The following SCARF1 variants were observed in gnomAD, a reference collection of about 807,000 sequenced individuals.
SCARF1 encodes the protein scavenger receptor class F member 1.
In SCARF1, 49 loss-of-function variants were observed where a neutral mutation model predicts 76.3. That is an observed-to-expected ratio of 0.64 (90% CI 0.51 to 0.81). The LOEUF (loss-of-function observed/expected upper bound fraction) is 0.81. Among genes scored for constraint, SCARF1 ranks in the 40% least tolerant of loss-of-function variants. The probability of loss-of-function intolerance (pLI) is 0.00; values close to 1 mark genes in which losing one functional copy is unlikely to be tolerated. For missense variants in SCARF1, 1,098 were observed against 1,143.9 expected (o/e 0.96, Z 0.58); for synonymous variants, 495 against 474.6 (o/e 1.04, Z -0.56).
At chr17:1,636,623 A>C (rs1909579743) in intron 10 of SCARF1, 86 bp downstream of exon 10, 1 of 1,484,808 alleles carries the variant, frequency 6.7e-7, no homozygotes, top group Admixed American at 2.2e-5. Context: ...AAAAAAAATA[A>C]AAATAAATAA....
chr17:1,643,899 C>T lies in SCARF1; in HGVS notation c.334G>A (p.Glu112Lys), dbSNP rs1443909286. 3.0e-6 allele frequency: 4 copies of T among 1,330,942 alleles called. No individual in the cohort carries two copies. Among genetic ancestry groups the T allele is most frequent in the East Asian group, 3.1e-5 (1 of 32,446 alleles). 82.4% of individuals were successfully genotyped at this position (1,330,942 alleles called of 1,614,324 possible). ...SCPCHPHGQC[E>K]PATGACQCQA... ...CACTGGCACGCGCCCGTGGCTGGCT[C>T]GCACTGGCCGTGCGGGTGGCAGGGG... is the stretch of plus-strand genomic sequence containing the variant. The change falls in exon 4 of 11, where the codon GAG becomes AAG. Residue 112 changes from glutamate to lysine, a missense_variant. Transcript: ENST00000263071.
In SCARF1 at chr17:1,644,087, C is replaced by A; in HGVS notation, c.266-120G>T. On this transcript the variant is annotated intron_variant, in intron 3 of 10. Transcript: ENST00000263071. The surrounding 1 kb of genome is among the most constrained non-coding windows in gnomAD (Gnocchi z 4.8). ...CCATCCTCCAAGAGCCGGGGACAGA[C>A]CCTCAGAACATCCGGCAGCCTGTCC... is the stretch of plus-strand genomic sequence containing the variant. 1.3e-6 allele frequency: 1 copy of A among 768,058 alleles called. No homozygotes were observed. Among genetic ancestry groups the A allele is most frequent in the African/African-American group, 1.8e-5 (1 of 55,264 alleles). 47.6% of individuals were successfully genotyped at this position (768,058 alleles called of 1,614,324 possible).
In SCARF1 at chr17:1,643,939, G is replaced by A. The variant is rs1355393894; in HGVS notation, c.294C>T (p.Asp98=). The part of the protein sequence containing the change: ...SRCPGQYWGP[D]CRESCPCHPH... Reference sequence around the variant, plus strand: ...GGTGGCAGGGGCAGCTCTCACGGCAGTCGGGGCCCCAGTACTGGCCCGGGC... The same window carrying A: ...GGTGGCAGGGGCAGCTCTCACGGCAATCGGGGCCCCAGTACTGGCCCGGGC... The change falls in exon 4 of 11, where the codon GAC becomes GAT. Residue 98 remains aspartate (D), a synonymous_variant. Transcript: ENST00000263071. 63 of 1,352,894 alleles carry A rather than the reference G, an allele frequency of 4.7e-5. No homozygotes were observed. The highest frequency in any genetic ancestry group is 1.8e-4 in the Admixed American group (5 of 28,208). 83.8% of individuals were successfully genotyped at this position (1,352,894 alleles called of 1,614,324 possible). A position where few individuals can be genotyped will look rare whatever the true frequency, so the allele number is the denominator to read the frequency against.
chr17:1,634,259 G>A lies in SCARF1; in HGVS notation c.*499C>T. 1 of 188,040 alleles carries A rather than the reference G, an allele frequency of 5.3e-6. No individual in the cohort carries two copies. Among genetic ancestry groups the A allele is most frequent in the Non-Finnish European group, 1.1e-5 (1 of 92,528 alleles). The allele number at this position is 188,040 out of a possible 1,614,324, so 11.6% of individuals were successfully genotyped here. On this transcript the variant is annotated 3_prime_UTR_variant, in exon 11 of 11. Transcript: ENST00000263071. Reference sequence around the variant, plus strand: ...AAAAAATTAGCCAAGCGTGGTGGAGGGCACCTGTAGTCCCAGCTACTCGGG... The same window carrying A: ...AAAAAATTAGCCAAGCGTGGTGGAGAGCACCTGTAGTCCCAGCTACTCGGG...
rs755401249 is a variant in SCARF1, at chr17:1,639,691, A to G, written c.1191T>C (p.Pro397=). The stretch of plus-strand genomic sequence containing the variant: ...GGCAGAGTCCCTCTGGGCATTCACA[A>G]GGAACTGAGCAGTTGTTTCCATGGA... The part of the protein sequence containing the change: ...AGFHGNNCSV[P]CECPEGLCHP... The change falls in exon 7 of 11, where the codon CCT becomes CCC. Residue 397 remains proline (P), a synonymous_variant. Transcript: ENST00000263071. 38 of 1,590,224 alleles carry G rather than the reference A, an allele frequency of 2.4e-5. No homozygotes were observed. Among genetic ancestry groups the G allele is most frequent in the Non-Finnish European group, 3.0e-5 (35 of 1,168,904 alleles).
rs149001740 is a variant in SCARF1, at chr17:1,638,604, T to C, written c.1364+202A>G. On this transcript the variant is annotated intron_variant, in intron 8 of 10. Transcript: ENST00000263071. ...CCAACTACCTCCATCACCTCTGACC[T>C]ACGTGGGCGACAAGGCCAGCCCTCC... 737 of 345,412 alleles carry C rather than the reference T, an allele frequency of 2.1e-3. 2 individuals are homozygous for C. Among genetic ancestry groups the C allele is most frequent in the African/African-American group, 0.013 (479 of 36,362 alleles). 21.4% of individuals were successfully genotyped at this position (345,412 alleles called of 1,614,324 possible).
In SCARF1 at chr17:1,644,827, G is replaced by A. The variant is rs769364005; in HGVS notation, c.265+7C>T. On this transcript the variant is annotated splice_region_variant and intron_variant, in intron 3 of 10. Transcript: ENST00000263071. The surrounding 1 kb of genome is among the most constrained non-coding windows in gnomAD (Gnocchi z 4.8). ...CCCAGCAACTTCATCTGGCCCTTGA[G>A]ACTCACGGGAGCTGCAGTGGGCCCC... 6.2e-7 allele frequency: 1 copy of A among 1,610,714 alleles called. No individual in the cohort carries two copies. The highest frequency in any genetic ancestry group is 1.7e-5 in the Admixed American group (1 of 59,622).
At position 1,640,453 on chromosome 17, in the gene SCARF1, C is replaced by A; in HGVS notation, c.1005G>T (p.Gly335=). 2 of 1,554,388 alleles carry A rather than the reference C, an allele frequency of 1.3e-6. No individual in the cohort carries two copies. Among genetic ancestry groups the A allele is most frequent in the Non-Finnish European group, 8.7e-7 (1 of 1,149,272 alleles). The part of the protein sequence containing the change: ...HCQRCDPGWL[G]PRCEDPCPTG... ...GAACAGAATGGTGCCCTCACCTGGGCCCCAGCCAGCCAGGGTCACAGCGCT... is the reference window on the plus strand; with the variant it reads ...GAACAGAATGGTGCCCTCACCTGGGACCCAGCCAGCCAGGGTCACAGCGCT... The change falls in exon 5 of 11, where the codon GGG becomes GGT. Residue 335 remains glycine (G), a synonymous_variant. Transcript: ENST00000263071. The surrounding 1 kb of genome is among the most constrained non-coding windows in gnomAD (Gnocchi z 4.7).
rs772046235 is a variant in SCARF1, at chr17:1,640,413, G to C, written c.1010+35C>G. 2.0e-6 allele frequency: 3 copies of C among 1,519,730 alleles called. No homozygotes were observed. Among genetic ancestry groups the C allele is most frequent in the East Asian group, 2.5e-5 (1 of 40,400 alleles). The allele number at this position is 1,519,730 out of a possible 1,614,324, so 94.1% of individuals were successfully genotyped here. Reference sequence around the variant, plus strand: ...CGCTGAGCTGAGGGTCCTGGGGGAAGGTGTACCCCACCCTGAACAGAATGG... The same window carrying C: ...CGCTGAGCTGAGGGTCCTGGGGGAACGTGTACCCCACCCTGAACAGAATGG... On this transcript the variant is annotated intron_variant, in intron 5 of 10. Transcript: ENST00000263071. The surrounding 1 kb of genome is among the most constrained non-coding windows in gnomAD (Gnocchi z 4.7).
In SCARF1 at chr17:1,635,039, G is replaced by A. The variant is rs750671486; in HGVS notation, c.2212C>T (p.Arg738Trp). The change falls in exon 11 of 11, where the codon CGG becomes TGG. Residue 738 changes from arginine (R) to tryptophan (W), a missense_variant. Transcript: ENST00000263071. ...IPKPPRQALN[R>W]KKGSPGLASG... is the part of the protein sequence containing the mutation. ...GCAAGGCCAGGGCTGCCCTTTTTCC[G>A]ATTCAGGGCCTGGCGCGGAGGCTTA... is the stretch of plus-strand genomic sequence containing the variant. The A allele has an allele frequency of 2.9e-5, 46 of 1,613,758 alleles. No homozygotes were observed. Among genetic ancestry groups the A allele is most frequent in the East Asian group, 4.5e-5 (2 of 44,886 alleles).
At chr17:1,639,766 G>T in intron 6 of SCARF1, 24 bp from the exon 7 acceptor site, 1 of 1,606,646 alleles carries the variant, frequency 6.2e-7, no homozygotes, top group Non-Finnish European at 8.5e-7. Flanking sequence ...TGGAGAGGCA[G>T]GCTGAGGGCT....
At position 1,640,892 on chromosome 17, in the gene SCARF1, G is replaced by A. The variant is rs190052559; in HGVS notation, c.792-226C>T. On this transcript the variant is annotated intron_variant, in intron 4 of 10. Coordinates refer to ENST00000263071, the MANE Select transcript of SCARF1 (RefSeq NM_003693.4). The surrounding 1 kb of genome is among the most constrained non-coding windows in gnomAD (Gnocchi z 4.7). ...CCTTCCAGGCATCTGCTCTGTGACCGTCTTTCCCTGGGTCCCAGGACCATC... is the reference window on the plus strand; with the variant it reads ...CCTTCCAGGCATCTGCTCTGTGACCATCTTTCCCTGGGTCCCAGGACCATC... Among the ~76,000 whole-genome samples the A allele has an allele frequency of 3.4e-4, 52 of 152,222 alleles. No individual in the cohort carries two copies. The East Asian group carries it at 6.0e-3, about 18-fold the overall frequency.
intron 8 of SCARF1, among the ~76,000 whole-genome samples, chr17:1,637,535 C>T (rs1170108443): frequency 1.3e-5 from 2 of 152,026 alleles, no homozygotes; most frequent in Non-Finnish European, 2.9e-5. Context: ...TGCAGTGGTA[C>T]GATCTTGGCT....
At chr17:1,638,314 C>T (rs893817073) in intron 8 of SCARF1, 1 of 152,962 alleles carries the variant, frequency 6.5e-6, no homozygotes, top group Admixed American at 6.5e-5. Context: ...CTCTGCTAAA[C>T]CACTGCACAG....
At chr17:1,635,693 T>A in intron 10 of SCARF1, 76 bp from the exon 11 acceptor site, 1 of 1,476,844 alleles carries the variant, frequency 6.8e-7, no homozygotes, top group South Asian at 1.4e-5. Flanking sequence ...GCTCAGCATC[T>A]TCCAGGAGGC....
chr17:1,640,185 T>A lies in SCARF1; in HGVS notation c.1011-145A>T. 1 of 1,011,668 alleles carries A rather than the reference T, an allele frequency of 9.9e-7. No homozygotes were observed. Among genetic ancestry groups the A allele is most frequent in the Non-Finnish European group, 1.4e-6 (1 of 704,596 alleles). 62.7% of individuals were successfully genotyped at this position (1,011,668 alleles called of 1,614,324 possible). A position where few individuals can be genotyped will look rare whatever the true frequency, so the allele number is the denominator to read the frequency against. On this transcript the variant is annotated intron_variant, in intron 5 of 10. Coordinates refer to ENST00000263071, the MANE Select transcript of SCARF1 (RefSeq NM_003693.4). This position sits in a 1 kb window ranked among gnomAD's most constrained non-coding sequence, Gnocchi z 4.7. ...GTGAAGCTCAGGTGCAAATAGGGCC[T>A]TGAACTTGGGGCCAAATCCAGCAGG...
At position 1,643,642 on chromosome 17, in the gene SCARF1, G is replaced by T; in HGVS notation, c.591C>A (p.His197Gln). ...GRRCSFRCNC[H>Q]GSPCEQDSGR... ...CGGAGTCCTGCTCGCACGGGGAGCC[G>T]TGGCAGTTGCAGCGGAAGCTGCAGC... The change falls in exon 4 of 11, where the codon CAC becomes CAA. Residue 197 changes from histidine to glutamine, a missense_variant. By Grantham distance (24) the His-to-Gln change is conservative. Coordinates refer to ENST00000263071, the MANE Select transcript of SCARF1 (RefSeq NM_003693.4). 1.4e-6 allele frequency: 2 copies of T among 1,472,040 alleles called. No homozygotes were observed. Among genetic ancestry groups the T allele is most frequent in the Non-Finnish European group, 1.8e-6 (2 of 1,119,234 alleles). 91.2% of individuals were successfully genotyped at this position (1,472,040 alleles called of 1,614,324 possible). A position where few individuals can be genotyped will look rare whatever the true frequency, so the allele number is the denominator to read the frequency against.
At chr17:1,637,978 G>A (rs982445625) in intron 8 of SCARF1, among the ~76,000 whole-genome samples, 5 of 152,144 alleles carry the variant, frequency 3.3e-5, no homozygotes, top group African/African-American at 1.2e-4. Context: ...TGTGAATGCC[G>A]CACAAGCACA....
chr17:1,634,206 G>A lies in SCARF1; in HGVS notation c.*552C>T, dbSNP rs940717473. 3 of 156,054 alleles carry A rather than the reference G, an allele frequency of 1.9e-5. No individual in the cohort carries two copies. Among genetic ancestry groups the A allele is most frequent in the Non-Finnish European group, 2.8e-5 (2 of 70,862 alleles). 9.7% of individuals were successfully genotyped at this position (156,054 alleles called of 1,614,324 possible). A position where few individuals can be genotyped will look rare whatever the true frequency, so the allele number is the denominator to read the frequency against. ...GATCGAGACCATCCTGGCTAACATG[G>A]TGAAACCCTGTCTCTATTAAATATA... On this transcript the variant is annotated 3_prime_UTR_variant, in exon 11 of 11. Transcript: ENST00000263071.
Sources: allele counts gnomAD v4.1 joint callset (sites outside exome capture counted in the v4.1 genomes callset), GRCh38; gene constraint gnomAD v4.1.1; non-coding constraint Gnocchi (gnomAD v3.1); transcripts MANE v1.5; gene names NCBI Gene and HGNC (gene_info 2026-07-23, HGNC 2026-07-21).